SLC39A11: variants seen among roughly 807,000 people sequenced by gnomAD.
The protein encoded by SLC39A11 is solute carrier family 39 member 11, also known as zinc transporter ZIP11.
Under a neutral mutation model 36.1 loss-of-function variants are expected in SLC39A11, and 33 were observed. The observed-to-expected ratio is 0.91, with a 90% confidence interval of 0.69 to 1.22. The LOEUF (loss-of-function observed/expected upper bound fraction) is 1.22, where lower values mean the gene tolerates loss of function less well. Ranked by LOEUF, SLC39A11 falls within the 50% of genes most tolerant of loss-of-function variation. SLC39A11 has a pLI of 0.00. For synonymous variants in SLC39A11, 166 were observed against 170.3 expected, an observed-to-expected ratio of 0.97 and a Z score of 0.20; for missense variants, 432 against 430.3, an observed-to-expected ratio of 1.00 and a Z score of -0.03.
chr17:72,750,604 T>C (rs2075119043), intron 6 of SLC39A11, among the ~76,000 whole-genome samples: 1 of 152,028 alleles, frequency 6.6e-6, no homozygotes, highest in Non-Finnish European at 1.5e-5. Flanking sequence ...GGTTCATTTA[T>C]CACTCCCCAC....
intron 5 of SLC39A11, among the ~76,000 whole-genome samples, chr17:72,852,944 C>T (rs151304996): frequency 4.0e-4 from 61 of 152,300 alleles, no homozygotes; most frequent in Admixed American, 1.6e-3. Context: ...TACAGGCCTG[C>T]ACTAGATGCT....
At chr17:72,847,492 C>T (rs1381276241) in intron 6 of SLC39A11, among the ~76,000 whole-genome samples, 1 of 151,662 alleles carries the variant, frequency 6.6e-6, no homozygotes, top group Admixed American at 6.6e-5. Flanking sequence ...ATGAGGGAGA[C>T]ACATAAACTG....
chr17:73,081,626 T>C (rs60974031), intron 3 of SLC39A11, among the ~76,000 whole-genome samples: 6,052 of 108,336 alleles, frequency 0.056, 297 homozygotes, highest in East Asian at 0.28. Flanking sequence ...TATATATATA[T>C]ATACATACAC....
chr17:73,050,902 T>C (rs1288408776), intron 3 of SLC39A11, among the ~76,000 whole-genome samples: 3 of 152,038 alleles, frequency 2.0e-5, no homozygotes, highest in African/African-American at 7.2e-5. Flanking sequence ...TGAGGAAAGA[T>C]GATCCAATTC....
chr17:72,778,590 G>T (rs1436263312), intron 6 of SLC39A11, among the ~76,000 whole-genome samples: 1 of 152,236 alleles, frequency 6.6e-6, no homozygotes, highest in East Asian at 1.9e-4. Flanking sequence ...AACACAAAAT[G>T]ATGATGGCCT....
intron 6 of SLC39A11, among the ~76,000 whole-genome samples, chr17:72,824,280 C>G (rs1467052710): frequency 3.3e-5 from 5 of 151,142 alleles, no homozygotes; most frequent in African/African-American, 1.2e-4. Flanking sequence ...CCTGCTCCAC[C>G]ATGTGAAGAC....
intron 4 of SLC39A11, among the ~76,000 whole-genome samples, chr17:72,948,845 C>T (rs753549647): frequency 3.1e-4 from 47 of 152,156 alleles, no homozygotes; most frequent in Non-Finnish European, 4.4e-4. Context: ...GCTTGTGTTC[C>T]GCTTGGGAGT....
At chr17:72,716,613 T>C (rs2567502) in intron 7 of SLC39A11, among the ~76,000 whole-genome samples, 22,917 of 151,006 alleles carry the variant, frequency 0.15, 2,359 homozygotes, top group African/African-American at 0.3. Context: ...AAATAAAAAA[T>C]AGAAGTTACC....
intron 5 of SLC39A11, among the ~76,000 whole-genome samples, chr17:72,931,613 C>G (rs1341618152): frequency 6.6e-6 from 1 of 152,232 alleles, no homozygotes; most frequent in Non-Finnish European, 1.5e-5. Flanking sequence ...CGGCCCCCTC[C>G]CCAGGTGTCC....
intron 7 of SLC39A11, among the ~76,000 whole-genome samples, chr17:72,715,367 T>C (rs2073308519): frequency 6.6e-6 from 1 of 152,244 alleles, no homozygotes; most frequent in South Asian, 2.1e-4. Context: ...CAAGCAGCAC[T>C]ATTCACAAGA....
chr17:72,954,517 C>T (rs1398034356), intron 4 of SLC39A11, among the ~76,000 whole-genome samples: 3 of 152,174 alleles, frequency 2.0e-5, no homozygotes, highest in African/African-American at 7.2e-5. Flanking sequence ...CTGCCTGGGG[C>T]CCAGCATAGG....
chr17:72,732,177 C>T (rs1299840737), intron 7 of SLC39A11, among the ~76,000 whole-genome samples: 5 of 150,780 alleles, frequency 3.3e-5, no homozygotes, highest in South Asian at 2.1e-4. Context: ...CCACCACACC[C>T]GGCTAATTTT....
intron 5 of SLC39A11, among the ~76,000 whole-genome samples, chr17:72,926,608 C>T (rs1398987948): frequency 6.6e-6 from 1 of 151,862 alleles, no homozygotes; most frequent in Non-Finnish European, 1.5e-5. Flanking sequence ...TATAAACCAG[C>T]CCTGAGAAGC....
rs753651279 is a variant in SLC39A11 at position 72,978,868 on chromosome 17, C to T, written c.307-30993G>A. Among the ~76,000 whole-genome samples, 13 of 152,340 alleles carry T rather than the reference C, an allele frequency of 8.5e-5. No individual in the cohort carries two copies. The Middle Eastern group carries it at 0.014, about 159-fold the overall frequency. ...TTAGGGCACGCCAACTCTGGTAAGG[C>T]CCTGCCTTCAGCCCTGGGATACAAA... is the stretch of plus-strand genomic sequence containing the variant. On this transcript the variant is annotated intron_variant, in intron 4 of 9. Transcript: ENST00000255559.
At chr17:72,809,195 TTCTTTCTCTCTC>T (rs1021681222) in intron 6 of SLC39A11, among the ~76,000 whole-genome samples, 1 of 76,796 alleles carries the variant, frequency 1.3e-5, no homozygotes, top group African/African-American at 5.7e-5. Context: ...CTTCTTTCTT[TTCTTTCTCTCTC>T]TCTCTCTCTC....
chr17:72,736,892 C>T (rs997916295), intron 6 of SLC39A11, among the ~76,000 whole-genome samples, 173 bp from the exon 7 acceptor site: 1 of 152,150 alleles, frequency 6.6e-6, no homozygotes, highest in African/African-American at 2.4e-5. Context: ...ATGGCTGCTG[C>T]CTTCTTCTCT....
At chr17:72,698,612 C>T (rs900304067) in intron 7 of SLC39A11, among the ~76,000 whole-genome samples, 6 of 152,106 alleles carry the variant, frequency 3.9e-5, no homozygotes, top group Non-Finnish European at 8.8e-5. Context: ...AAGAAAAGTA[C>T]TTTGGTTGAA....
chr17:72,863,933 C>T (rs537495905), intron 5 of SLC39A11, among the ~76,000 whole-genome samples: 1 of 152,242 alleles, frequency 6.6e-6, no homozygotes, highest in East Asian at 1.9e-4. Flanking sequence ...TCTCTGCCAC[C>T]AAAACAGAAA....
intron 3 of SLC39A11, among the ~76,000 whole-genome samples, chr17:73,063,318 A>G (rs1239111298): frequency 1.3e-5 from 2 of 152,130 alleles, no homozygotes; most frequent in African/African-American, 2.4e-5. Flanking sequence ...ATACAGATTG[A>G]CCCCTTATGA....
Sources: gnomAD v4.1 joint callset for allele counts (sites outside exome capture counted in the v4.1 genomes callset) on GRCh38, gnomAD v4.1.1 for gene constraint, MANE v1.5 for transcripts, NCBI Gene and HGNC (gene_info 2026-07-23, HGNC 2026-07-21) for gene names.